Variants in C12orf42 observed in about 807,000 individuals in gnomAD.
C12orf42 encodes the protein chromosome 12 open reading frame 42.
C12orf42 carries 25 observed loss-of-function variants against 21.6 expected under a neutral mutation model. The observed-to-expected ratio is 1.16, with a 90% CI of 0.84 to 1.62. C12orf42 has a LOEUF of 1.62. C12orf42 is among the 40% of genes most tolerant of loss of function. The pLI, the probability that C12orf42 is intolerant of heterozygous loss-of-function variation, is 0.00. For missense variants in C12orf42, 483 were observed against 459.3 expected (o/e 1.05, Z -0.47); for synonymous variants, 174 against 175.0 (o/e 0.99, Z 0.05).
At chr12:103,499,440 A>C (rs144387465), upstream of C12orf42, among the ~76,000 whole-genome samples, 111 of 152,382 alleles carry the variant, frequency 7.3e-4, no homozygotes, top group African/African-American at 2.3e-3. Flanking sequence ...AAGTTATCAC[A>C]GTATGAACAA....
the C12orf42 span, among the ~76,000 whole-genome samples, chr12:103,512,536 AT>A: frequency 2.6e-5 from 4 of 152,254 alleles, no homozygotes; most frequent in Non-Finnish European, 5.9e-5. Context: ...CTGATTAATC[AT>A]TCACATTCTA....
chr12:103,199,045 T>C, the C12orf42 span, among the ~76,000 whole-genome samples: 1 of 152,198 alleles, frequency 6.6e-6, no homozygotes, highest in Non-Finnish European at 1.5e-5. Context: ...AACATCACAC[T>C]ACCTGATTTC....
the C12orf42 span, chr12:103,156,025 T>C: frequency 2.6e-5 from 4 of 151,912 alleles, no homozygotes; most frequent in Admixed American, 6.6e-5. Context: ...ATATTAATCA[T>C]GAATAATTAT....
At chr12:103,372,754 C>A (rs1342793637) in intron 3 of C12orf42, among the ~76,000 whole-genome samples, 1 of 152,126 alleles carries the variant, frequency 6.6e-6, no homozygotes, top group Non-Finnish European at 1.5e-5. Flanking sequence ...AACTGAGGCA[C>A]CAAAAAGCTA....
the C12orf42 span, among the ~76,000 whole-genome samples, chr12:103,147,055 T>C: frequency 6.6e-6 from 1 of 152,190 alleles, no homozygotes; most frequent in African/African-American, 2.4e-5. Context: ...TGTAGGCTCA[T>C]GGAGCATACT....
At chr12:103,125,090 G>A in the C12orf42 span, among the ~76,000 whole-genome samples, 5 of 152,050 alleles carry the variant, frequency 3.3e-5, no homozygotes, top group Admixed American at 6.6e-5. Flanking sequence ...TCTTCTAAAT[G>A]TTTTGTTTAT....
At chr12:103,185,858 T>C in the C12orf42 span, among the ~76,000 whole-genome samples, 1,663 of 152,308 alleles carry the variant, frequency 0.011, 27 homozygotes, top group African/African-American at 0.037. Context: ...ACTGTAAGTC[T>C]AATTAAACCT....
chr12:103,169,380 G>A, the C12orf42 span, among the ~76,000 whole-genome samples: 3 of 151,516 alleles, frequency 2.0e-5, no homozygotes, highest in East Asian at 1.9e-4. Context: ...TCTGCACAAG[G>A]GAGCTTTTCT....
At chr12:103,253,418 T>C (rs769842488) in intron 10 of C12orf42, among the ~76,000 whole-genome samples, 2 of 152,198 alleles carry the variant, frequency 1.3e-5, no homozygotes, top group East Asian at 1.9e-4. Flanking sequence ...TTTAATGATA[T>C]TGATTCTTCC....
chr12:103,123,904 A>G, the C12orf42 span, among the ~76,000 whole-genome samples: 388 of 152,126 alleles, frequency 2.6e-3, 1 homozygote, highest in African/African-American at 9.0e-3. Context: ...GGACTGTTTT[A>G]GAGTGTGCAA....
At chr12:103,212,111 T>C in the C12orf42 span, among the ~76,000 whole-genome samples, 1 of 152,216 alleles carries the variant, frequency 6.6e-6, no homozygotes, top group Admixed American at 6.5e-5. Context: ...TTATTACCTA[T>C]ATTTTTTCTT....
At chr12:103,089,169 T>C in the C12orf42 span, among the ~76,000 whole-genome samples, 1 of 145,024 alleles carries the variant, frequency 6.9e-6, no homozygotes, top group East Asian at 2.1e-4. Flanking sequence ...TCAAGACAGA[T>C]CTTTTGGCCC....
chr12:103,228,439 G>T, the C12orf42 span, among the ~76,000 whole-genome samples: 1 of 152,106 alleles, frequency 6.6e-6, no homozygotes, highest in Non-Finnish European at 1.5e-5. Context: ...CATCAGTTAA[G>T]GTGGGGCAGG....
intron 4 of C12orf42, among the ~76,000 whole-genome samples, chr12:103,367,674 G>C (rs1356999471): frequency 2.0e-5 from 3 of 151,918 alleles, no homozygotes; most frequent in African/African-American, 7.2e-5. Flanking sequence ...ATGGGAGAAA[G>C]GGGAATGAGG....
chr12:103,459,085 A>C (rs185603106), intron 2 of C12orf42, among the ~76,000 whole-genome samples: 87 of 152,292 alleles, frequency 5.7e-4, no homozygotes, highest in Non-Finnish European at 1.0e-3. Context: ...CATGCAGTCT[A>C]AGAAAATATC....
At chr12:103,107,909 G>A in the C12orf42 span, among the ~76,000 whole-genome samples, 9 of 151,026 alleles carry the variant, frequency 6.0e-5, no homozygotes, top group South Asian at 1.1e-3. Flanking sequence ...AAACACAGAC[G>A]TAGAACATAT....
At chr12:103,546,368 A>T in the C12orf42 span, among the ~76,000 whole-genome samples, 1 of 152,188 alleles carries the variant, frequency 6.6e-6, no homozygotes, top group Non-Finnish European at 1.5e-5. Flanking sequence ...CTCTGAAAGG[A>T]TCCAGGGCAC....
intron 2 of C12orf42, among the ~76,000 whole-genome samples, chr12:103,427,887 C>T (rs756938567): frequency 9.9e-5 from 15 of 152,052 alleles, no homozygotes; most frequent in South Asian, 2.1e-4. Context: ...GGGTAAATAA[C>T]GAAATTAAGG....
At chr12:103,071,753 G>A in the C12orf42 span, among the ~76,000 whole-genome samples, 1 of 152,222 alleles carries the variant, frequency 6.6e-6, no homozygotes, top group East Asian at 1.9e-4. Flanking sequence ...GTGGAACTGT[G>A]AGTCAATTAA....
Sources: allele counts gnomAD v4.1 joint callset (sites outside exome capture counted in the v4.1 genomes callset), GRCh38; gene constraint gnomAD v4.1.1; transcripts MANE v1.5; gene names NCBI Gene and HGNC (gene_info 2026-07-23, HGNC 2026-07-21).